The following FAT3 variants were observed in gnomAD, a reference collection of about 807,000 sequenced individuals.
The protein encoded by FAT3 is FAT atypical cadherin 3, also known as protocadherin Fat 3.
Under a neutral mutation model 310.2 loss-of-function variants are expected in FAT3, and 95 were observed. The observed-to-expected ratio is 0.31, with a 90% CI of 0.26 to 0.36. FAT3 has a LOEUF of 0.36. FAT3 is among the 10% of genes least tolerant of loss of function. FAT3 has a pLI of 1.00. For missense variants in FAT3, 5,408 were observed against 5,715.6 expected, an observed-to-expected ratio of 0.95 and a Z score of 1.74; for synonymous variants, 2,314 against 2,192.9, an observed-to-expected ratio of 1.06 and a Z score of -1.54.
chr11:92,602,143 G>A (rs951297864), intron 3 of FAT3, among the ~76,000 whole-genome samples: 1 of 151,534 alleles, frequency 6.6e-6, no homozygotes, highest in African/African-American at 2.4e-5. Flanking sequence ...GCGCAATCTC[G>A]GCTCACTGCA....
At chr11:92,672,119 CAAAT>C (rs1280161650) in intron 3 of FAT3, among the ~76,000 whole-genome samples, 1 of 151,890 alleles carries the variant, frequency 6.6e-6, no homozygotes, top group Non-Finnish European at 1.5e-5. Context: ...AACTCTGTCT[CAAAT>C]AAATAAATAA....
rs561704917 is a variant in FAT3, at chr11:92,705,334, G to A, written c.3669+7889G>A. 8.0e-5 allele frequency among the ~76,000 whole-genome samples: 12 copies of A among 150,462 alleles called. No homozygotes were observed. The East Asian group carries it at 2.4e-3, about 30-fold the overall frequency. On this transcript the variant is annotated intron_variant, in intron 4 of 27. Coordinates refer to ENST00000525166, the MANE Select transcript of FAT3 (RefSeq NM_001367949.2). ...ATGATGGTGGTGATGGTGGTGGTGT[G>A]ATGGTGGTGGTGATGATGGTAGTGT...
At chr11:92,395,264 C>A (rs1591222168) in intron 2 of FAT3, among the ~76,000 whole-genome samples, 1 of 152,134 alleles carries the variant, frequency 6.6e-6, no homozygotes, top group East Asian at 1.9e-4. Context: ...ACAGTATTGA[C>A]ATTGTTCAGC....
chr11:92,649,284 A>G (rs953582027), intron 3 of FAT3, among the ~76,000 whole-genome samples: 2 of 152,204 alleles, frequency 1.3e-5, no homozygotes, highest in African/African-American at 4.8e-5. Flanking sequence ...TATAGCAAGC[A>G]GGACTCTAGA....
chr11:92,392,917 G>C (rs1949781328), intron 2 of FAT3, among the ~76,000 whole-genome samples: 1 of 152,158 alleles, frequency 6.6e-6, no homozygotes, highest in Non-Finnish European at 1.5e-5. Flanking sequence ...TGAGCAATTA[G>C]TGACAGGGAG....
intron 3 of FAT3, among the ~76,000 whole-genome samples, chr11:92,562,631 G>A (rs183481248): frequency 8.9e-4 from 135 of 152,318 alleles, no homozygotes; most frequent in African/African-American, 3.2e-3. Context: ...CAGGAAAGCT[G>A]ATGGTGCAAT....
Position 92,224,961 on chromosome 11 carries a change from C to T in FAT3, c.-231C>T, listed in dbSNP as rs1317470159. Among the ~76,000 whole-genome samples the T allele has an allele frequency of 6.6e-6, 1 of 152,124 alleles. No homozygotes were observed. Among genetic ancestry groups the T allele is most frequent in the Non-Finnish European group, 1.5e-5 (1 of 68,026 alleles). On this transcript the variant is annotated 5_prime_UTR_variant, in exon 1 of 28. Coordinates refer to ENST00000525166, the MANE Select transcript of FAT3 (RefSeq NM_001367949.2). The stretch of plus-strand genomic sequence containing the variant: ...TGCTGTTCTCTTCATCTCGGCTCCC[C>T]TCCTCCGCTTGCGAACCCCCGGCGG...
intron 1 of FAT3, among the ~76,000 whole-genome samples, chr11:92,265,209 T>A (rs1261859704): frequency 1.3e-5 from 2 of 151,800 alleles, no homozygotes; most frequent in African/African-American, 4.8e-5. Flanking sequence ...AACTCTGTAT[T>A]TGCGTGATAG....
chr11:92,350,713 T>C (rs1948541789), intron 1 of FAT3, among the ~76,000 whole-genome samples: 1 of 151,940 alleles, frequency 6.6e-6, no homozygotes, highest in Non-Finnish European at 1.5e-5. Flanking sequence ...TAATATGTCA[T>C]TGGGTAAAAT....
At chr11:92,667,343 T>C (rs1942987411) in intron 3 of FAT3, among the ~76,000 whole-genome samples, 1 of 152,142 alleles carries the variant, frequency 6.6e-6, no homozygotes, top group African/African-American at 2.4e-5. Flanking sequence ...AGGTGCTTCT[T>C]GCCCTTCTCC....
At chr11:92,381,351 T>C (rs1949491417) in intron 2 of FAT3, among the ~76,000 whole-genome samples, 1 of 152,002 alleles carries the variant, frequency 6.6e-6, no homozygotes, top group Non-Finnish European at 1.5e-5. Context: ...CTGTCTCTCC[T>C]AAAATACAAA....
In FAT3 at chr11:92,630,763, CA is replaced by C. The variant is rs201380606; in HGVS notation, c.3608-66620del. 7.7e-3 allele frequency among the ~76,000 whole-genome samples: 1,174 copies of C among 152,286 alleles called. 9 individuals carry two copies. The highest frequency in any genetic ancestry group is 0.025 in the African/African-American group (1,057 of 41,550). ...ATCACCCCTTGTGACAGCCTTCTGG[CA>C]GGTTCTCCCAGGTATATAGCAGTAA... is the stretch of plus-strand genomic sequence containing the variant. On this transcript the variant is annotated intron_variant, in intron 3 of 27. Transcript: ENST00000525166.
intron 4 of FAT3, among the ~76,000 whole-genome samples, chr11:92,724,977 C>A (rs886913561): frequency 4.0e-5 from 6 of 151,754 alleles, no homozygotes; most frequent in African/African-American, 1.5e-4. Flanking sequence ...TCTCTCACAG[C>A]AATAAGAAAA....
intron 3 of FAT3, among the ~76,000 whole-genome samples, chr11:92,631,748 G>A (rs1481589294): frequency 1.3e-5 from 2 of 152,088 alleles, no homozygotes; most frequent in Non-Finnish European, 2.9e-5. Flanking sequence ...TAAAATATGA[G>A]GAAATTAAAA....
rs191828292 is a variant in FAT3 at position 92,579,677 on chromosome 11, T to C, written c.3607+54729T>C. Among the ~76,000 whole-genome samples the C allele has an allele frequency of 2.8e-4, 43 of 152,086 alleles. 1 individual carries two copies. The East Asian group carries it at 6.4e-3, about 23-fold the overall frequency. ...ATATTAATAGGCTCATGTTCCACTT[T>C]AAAGAAAAAAAATACCATTACTATT... On this transcript the variant is annotated intron_variant, in intron 3 of 27. Coordinates refer to ENST00000525166, the MANE Select transcript of FAT3 (RefSeq NM_001367949.2).
intron 4 of FAT3, among the ~76,000 whole-genome samples, chr11:92,698,138 C>T (rs964662872): frequency 8.5e-5 from 13 of 152,102 alleles, no homozygotes; most frequent in Admixed American, 1.3e-4. Flanking sequence ...AAACAGATGA[C>T]GATGCTTAGA....
chr11:92,392,348 A>T (rs1402605006), intron 2 of FAT3, among the ~76,000 whole-genome samples: 2 of 152,168 alleles, frequency 1.3e-5, no homozygotes, highest in African/African-American at 4.8e-5. Flanking sequence ...TTTCTTATTT[A>T]GTGTTACTAT....
At chr11:92,382,918 G>A (rs1949532007) in intron 2 of FAT3, among the ~76,000 whole-genome samples, 1 of 152,150 alleles carries the variant, frequency 6.6e-6, no homozygotes, top group Non-Finnish European at 1.5e-5. Context: ...GTGGTTTGCT[G>A]CACAGATCAT....
intron 2 of FAT3, among the ~76,000 whole-genome samples, chr11:92,518,151 A>G (rs1953550532): frequency 6.6e-6 from 1 of 152,160 alleles, no homozygotes; most frequent in African/African-American, 2.4e-5. Flanking sequence ...TTACCCAGCA[A>G]TCCCATTACT....
Sources: gnomAD v4.1 joint callset for allele counts (sites outside exome capture counted in the v4.1 genomes callset) on GRCh38, gnomAD v4.1.1 for gene constraint, MANE v1.5 for transcripts, NCBI Gene and HGNC (gene_info 2026-07-23, HGNC 2026-07-21) for gene names.